Variants in ORC3 observed in about 807,000 individuals in gnomAD.
ORC3 encodes the protein homolog of latheo, Drosophila.
ORC3 carries 78 observed loss-of-function variants against 100.7 expected under a neutral mutation model. The ratio of observed to expected loss-of-function variants is 0.77; its 90% CI spans 0.65 to 0.94. The LOEUF is 0.94. ORC3 is among the 40% of genes least tolerant of loss of function. The pLI is 0.00. For missense variants in ORC3, 789 were observed against 823.9 expected (o/e 0.96, Z 0.52); for synonymous variants, 295 against 289.3 (o/e 1.02, Z -0.20).
intron 13 of ORC3, among the ~76,000 whole-genome samples, chr6:87,649,691 A>G (rs756347312): frequency 3.3e-5 from 5 of 152,204 alleles, no homozygotes; most frequent in Non-Finnish European, 7.3e-5. Context: ...GGTTGCGGTG[A>G]GCTGAGATTG....
Position 87,662,980 on chromosome 6 carries a change from G to T in ORC3, c.1692-23G>T, listed in dbSNP as rs779304612. 20 of 1,567,538 alleles carry T rather than the reference G, an allele frequency of 1.3e-5. No individual in the cohort carries two copies. In the South Asian group the frequency reaches 1.7e-4, roughly 13 times the overall value. On this transcript the variant is annotated intron_variant, in intron 16 of 19. Transcript: ENST00000392844. ...AATAAACCTGTGCTTATCTAAACAT[G>T]GATGCCTGACTGGCTGTTTCAGAGA... is the stretch of plus-strand genomic sequence containing the variant.
rs191110093 is a variant in ORC3 at position 87,666,583 on chromosome 6, C to T, written c.2031-435C>T. Among the ~76,000 whole-genome samples the T allele has an allele frequency of 6.8e-4, 102 of 149,320 alleles. 1 individual carries two copies. In the East Asian group the frequency reaches 0.018, roughly 27 times the overall value. On this transcript the variant is annotated intron_variant, in intron 19 of 19. Coordinates refer to ENST00000392844, the MANE Select transcript of ORC3 (RefSeq NM_012381.4). ...CTTCCCAAATAGCTGGGATTACAGG[C>T]GCCTGCCACCATGCCTGGCTAATTT...
chr6:87,637,506 C>T (rs546855217), intron 13 of ORC3, among the ~76,000 whole-genome samples: 3 of 152,160 alleles, frequency 2.0e-5, no homozygotes, highest in East Asian at 3.9e-4. Flanking sequence ...ACCAAAAAAT[C>T]CCAATAAGAT....
intron 15 of ORC3, 25 bp downstream of exon 15, chr6:87,657,007 G>A (rs768158438): frequency 2.8e-6 from 4 of 1,438,740 alleles, no homozygotes; most frequent in African/African-American, 2.8e-5. Flanking sequence ...TTCCCTTCCA[G>A]CTGCATCCTG....
In ORC3 at chr6:87,644,079, C is replaced by CTTTTTTTTTTTTTTTTTT. The variant is rs1156943778; in HGVS notation, c.1382+7607_1382+7624dup. ...CCACAGATACAGATGGCTGACTGTC[C>CTTTTTTTTTTTTTTTTTT]TTTTTTTTTTTTTTTTTTTTTTTTT... On this transcript the variant is annotated intron_variant, in intron 13 of 19. Coordinates refer to ENST00000392844, the MANE Select transcript of ORC3 (RefSeq NM_012381.4). Among the ~76,000 whole-genome samples the CTTTTTTTTTTTTTTTTTT allele has an allele frequency of 2.1e-4, 11 of 51,424 alleles. 2 individuals carry two copies. Among genetic ancestry groups the CTTTTTTTTTTTTTTTTTT allele is most frequent in the African/African-American group, 7.6e-4 (8 of 10,520 alleles). The allele number at this position is 51,424 out of a possible 152,430, so 33.7% of individuals were successfully genotyped here.
chr6:87,604,737 G>A (rs2128249728), intron 4 of ORC3, among the ~76,000 whole-genome samples: 1 of 152,172 alleles, frequency 6.6e-6, no homozygotes, highest in Non-Finnish European at 1.5e-5. Context: ...GTTCAGGGAT[G>A]TGTTATTATA....
chr6:87,600,454 G>A (rs193047694), intron 2 of ORC3, among the ~76,000 whole-genome samples: 11 of 152,262 alleles, frequency 7.2e-5, no homozygotes, highest in Non-Finnish European at 1.6e-4. Flanking sequence ...CTAGTTTTGA[G>A]AAGTGACAGG....
At chr6:87,627,165 T>C (rs1361252235) in intron 11 of ORC3, among the ~76,000 whole-genome samples, 1 of 144,846 alleles carries the variant, frequency 6.9e-6, no homozygotes, top group Non-Finnish European at 1.5e-5. Context: ...ACCCGGCTAA[T>C]TTTTTGTATT....
chr6:87,668,720 C>T (rs1770768262), downstream of ORC3, among the ~76,000 whole-genome samples: 1 of 152,170 alleles, frequency 6.6e-6, no homozygotes, highest in African/African-American at 2.4e-5. Context: ...CAGCAGCTCG[C>T]GCCTGTAATC....
the ORC3 span, among the ~76,000 whole-genome samples, chr6:87,674,642 A>ATT: frequency 2.8e-4 from 39 of 140,864 alleles, no homozygotes; most frequent in African/African-American, 5.5e-4. Flanking sequence ...ATATATATAT[A>ATT]TTTTTTTTTT....
Position 87,590,159 on chromosome 6 carries a change from C to A in ORC3, c.-10C>A, listed in dbSNP as rs776845912. On this transcript the variant is annotated 5_prime_UTR_variant, in exon 1 of 20. Coordinates refer to ENST00000392844, the MANE Select transcript of ORC3 (RefSeq NM_012381.4). The stretch of plus-strand genomic sequence containing the variant: ...CGAGTGCATCTGGAATACGCAGAGT[C>A]AGTAAGACCATGGCTACGTCCTCGA... 6 of 1,614,082 alleles carry A rather than the reference C, an allele frequency of 3.7e-6. No individual in the cohort carries two copies. The Admixed American group carries it at 1.0e-4, about 27-fold the overall frequency.
intron 13 of ORC3, among the ~76,000 whole-genome samples, chr6:87,647,080 C>G (rs1768853900): frequency 1.3e-5 from 2 of 152,316 alleles, no homozygotes; most frequent in African/African-American, 4.8e-5. Flanking sequence ...ATTGCAGTAG[C>G]CTCCTTTCTG....
chr6:87,663,805 A>G (rs191100762), intron 17 of ORC3, among the ~76,000 whole-genome samples: 16 of 152,364 alleles, frequency 1.1e-4, no homozygotes, highest in Middle Eastern at 3.4e-3. Context: ...TAAACATTCA[A>G]TAAGCTGTAT....
chr6:87,596,028 A>G (rs1290925581), intron 2 of ORC3, among the ~76,000 whole-genome samples: 1 of 150,826 alleles, frequency 6.6e-6, no homozygotes, highest in African/African-American at 2.4e-5. Context: ...TTTTGTAGAG[A>G]CAGGGTCTCA....
chr6:87,664,351 T>G (rs991036535), intron 17 of ORC3, among the ~76,000 whole-genome samples: 17 of 152,154 alleles, frequency 1.1e-4, no homozygotes, highest in African/African-American at 3.6e-4. Context: ...GTATTAGTAT[T>G]TACTAATACA....
intron 11 of ORC3, among the ~76,000 whole-genome samples, chr6:87,632,813 G>C (rs1001716842): frequency 2.0e-5 from 3 of 152,134 alleles, no homozygotes; most frequent in African/African-American, 7.2e-5. Flanking sequence ...GCAGTGAGCA[G>C]AGAGTTAGAC....
chr6:87,647,037 T>C (rs555110320), intron 13 of ORC3, among the ~76,000 whole-genome samples: 1 of 152,352 alleles, frequency 6.6e-6, no homozygotes, highest in Admixed American at 6.5e-5. Context: ...TGTACCATCA[T>C]AGTCTAAGTC....
intron 11 of ORC3, among the ~76,000 whole-genome samples, chr6:87,628,877 G>A (rs1269891725): frequency 2.0e-5 from 3 of 152,146 alleles, no homozygotes; most frequent in Admixed American, 6.5e-5. Context: ...AAATGGAAAA[G>A]TAAAGGAAAA....
At chr6:87,592,878 G>A (rs1777138802) in intron 1 of ORC3, among the ~76,000 whole-genome samples, 1 of 152,170 alleles carries the variant, frequency 6.6e-6, no homozygotes, top group African/African-American at 2.4e-5. Context: ...TGGATCACGA[G>A]ATCAGGAGTG....
Sources: allele counts gnomAD v4.1 joint callset (sites outside exome capture counted in the v4.1 genomes callset), GRCh38; gene constraint gnomAD v4.1.1; transcripts MANE v1.5; gene names NCBI Gene and HGNC (gene_info 2026-07-23, HGNC 2026-07-21).